The following ZMIZ1 variants were observed in gnomAD, a reference collection of about 807,000 sequenced individuals.
ZMIZ1 encodes zinc finger MIZ domain-containing protein 1.
A neutral mutation model predicts 113.9 loss-of-function variants in ZMIZ1; 17 were observed. The observed-to-expected ratio is 0.15, with a 90% CI of 0.10 to 0.22. The LOEUF (loss-of-function observed/expected upper bound fraction) is 0.22. ZMIZ1 is among the 10% of genes least tolerant of loss of function. The pLI is 1.00. For synonymous variants in ZMIZ1, 607 were observed against 603.1 expected (o/e 1.01, Z -0.09); for missense variants, 1,059 against 1,477.8 (o/e 0.72, Z 4.65).
intron 17 of ZMIZ1, 125 bp from the exon 18 acceptor site, chr10:79,301,982 C>G: frequency 1.2e-6 from 1 of 858,330 alleles, no homozygotes; most frequent in Non-Finnish European, 1.9e-6. Flanking sequence ...TCCCAGGAGA[C>G]ACCCTGGGGG....
chr10:79,254,224 A>G (rs1850734979), intron 7 of ZMIZ1, among the ~76,000 whole-genome samples: 1 of 152,186 alleles, frequency 6.6e-6, no homozygotes, highest in African/African-American at 2.4e-5. Context: ...AGGGCCCAGC[A>G]CATCTCAGGG....
chr10:79,190,634 C>G (rs1291270653), intron 4 of ZMIZ1, among the ~76,000 whole-genome samples: 1 of 152,122 alleles, frequency 6.6e-6, no homozygotes, highest in Non-Finnish European at 1.5e-5. Flanking sequence ...CTCATGGGCT[C>G]AGGAGGAGCA....
intron 7 of ZMIZ1, among the ~76,000 whole-genome samples, chr10:79,221,363 G>A (rs892600785): frequency 5.3e-5 from 8 of 152,196 alleles, no homozygotes; most frequent in Non-Finnish European, 8.8e-5. Context: ...GGCTCCACGC[G>A]GCCCTGGACG....
intron 4 of ZMIZ1, among the ~76,000 whole-genome samples, chr10:79,162,592 C>T (rs796654111): frequency 7.9e-5 from 12 of 152,330 alleles, no homozygotes; most frequent in Admixed American, 2.0e-4. Flanking sequence ...TGGGGTCAGA[C>T]CACCTGGATT....
At chr10:79,279,485 C>A (rs909572842) in intron 8 of ZMIZ1, among the ~76,000 whole-genome samples, 2 of 151,166 alleles carry the variant, frequency 1.3e-5, no homozygotes, top group East Asian at 3.9e-4. Context: ...CCAGACTGGG[C>A]GGCCGGGCAG....
intron 7 of ZMIZ1, among the ~76,000 whole-genome samples, chr10:79,255,377 C>G (rs1554823321): frequency 6.6e-6 from 1 of 152,202 alleles, no homozygotes; most frequent in South Asian, 2.1e-4. Context: ...CACCCTTCTT[C>G]GGGAATGGAT....
chr10:79,133,830 C>T (rs1047867846), intron 2 of ZMIZ1, among the ~76,000 whole-genome samples: 8 of 152,198 alleles, frequency 5.3e-5, no homozygotes, highest in African/African-American at 1.4e-4. Flanking sequence ...TCTGATTCCT[C>T]GGAGCATGCA....
At chr10:79,178,643 C>T (rs1001920719) in intron 4 of ZMIZ1, among the ~76,000 whole-genome samples, 1 of 152,184 alleles carries the variant, frequency 6.6e-6, no homozygotes, top group Non-Finnish European at 1.5e-5. Flanking sequence ...CTTCACTTTT[C>T]AAGCCCTGCT....
intron 7 of ZMIZ1, among the ~76,000 whole-genome samples, chr10:79,233,663 T>C (rs1469097729): frequency 1.3e-5 from 2 of 152,222 alleles, no homozygotes; most frequent in African/African-American, 2.4e-5. Flanking sequence ...GCCTGATTTT[T>C]TTCCCCTCCT....
At chr10:79,158,065 C>T (rs577177621) in intron 3 of ZMIZ1, among the ~76,000 whole-genome samples, 18 of 152,278 alleles carry the variant, frequency 1.2e-4, no homozygotes, top group Non-Finnish European at 2.2e-4. Context: ...TTGTGACCAC[C>T]GTTCTGATCC....
chr10:79,275,265 A>C (rs1295652291), intron 7 of ZMIZ1, among the ~76,000 whole-genome samples: 1 of 152,150 alleles, frequency 6.6e-6, no homozygotes, highest in Non-Finnish European at 1.5e-5. Context: ...GACAGAGGAG[A>C]GTGTCTCTTC....
At position 79,277,183 on chromosome 10, in the gene ZMIZ1, T is replaced by A; in HGVS notation, c.283T>A (p.Leu95Met). 6.5e-7 allele frequency: 1 copy of A among 1,542,768 alleles called. No individual in the cohort carries two copies. The highest frequency in any genetic ancestry group is 8.7e-7 in the Non-Finnish European group (1 of 1,144,794). The change falls in exon 8 of 25, where the codon TTG becomes ATG. Residue 95 changes from leucine (L) to methionine (M), a missense_variant and splice_region_variant. Physicochemically the swap from Leu to Met is conservative, Grantham distance 15 (BLOSUM62 2). Coordinates refer to ENST00000334512, the MANE Select transcript of ZMIZ1 (RefSeq NM_020338.4). ...TGACTGTCCTGTCCTTCCTGCAGCCTTGTTGTCCTCCTGGTGCGAAGAGCT... is the reference window on the plus strand; with the variant it reads ...TGACTGTCCTGTCCTTCCTGCAGCCATGTTGTCCTCCTGGTGCGAAGAGCT... The part of the protein sequence containing the change: ...RDKFTPKSAA[L>M]LSSWCEELGR...
At chr10:79,242,377 G>A (rs1849882059) in intron 7 of ZMIZ1, among the ~76,000 whole-genome samples, 1 of 152,232 alleles carries the variant, frequency 6.6e-6, no homozygotes, top group South Asian at 2.1e-4. Context: ...GGGAGCGTAC[G>A]TGCGCGTGTT....
chr10:79,211,520 C>G (rs1848527029), intron 6 of ZMIZ1, among the ~76,000 whole-genome samples: 1 of 152,220 alleles, frequency 6.6e-6, no homozygotes, highest in Admixed American at 6.5e-5. Flanking sequence ...TGGAAGCAAA[C>G]TCCAAATTCC....
chr10:79,122,445 C>G (rs993260938), intron 2 of ZMIZ1, among the ~76,000 whole-genome samples: 1 of 152,146 alleles, frequency 6.6e-6, no homozygotes, highest in Non-Finnish European at 1.5e-5. Flanking sequence ...CCAAATCCAC[C>G]TGGCTGGGCA....
rs1339024303 is a variant in ZMIZ1 at position 79,272,996 on chromosome 10, G to A, written c.281-4185G>A. Among the ~76,000 whole-genome samples the A allele has an allele frequency of 3.9e-5, 6 of 152,362 alleles. No homozygotes were observed. The East Asian group carries it at 1.2e-3, about 29-fold the overall frequency. Reference sequence around the variant, plus strand: ...ATGACAGGGGATGGGGCTTGGTGAGGAGCCTGAGAGCCCAGTTTCTGGGGT... The same window carrying A: ...ATGACAGGGGATGGGGCTTGGTGAGAAGCCTGAGAGCCCAGTTTCTGGGGT... On this transcript the variant is annotated intron_variant, in intron 7 of 24. Coordinates refer to ENST00000334512, the MANE Select transcript of ZMIZ1 (RefSeq NM_020338.4).
chr10:79,252,747 C>A (rs543384539), intron 7 of ZMIZ1, among the ~76,000 whole-genome samples: 1 of 152,238 alleles, frequency 6.6e-6, no homozygotes, highest in East Asian at 1.9e-4. Flanking sequence ...CTGCTGGGGA[C>A]CCTGGATGCA....
At chr10:79,114,661 C>G (rs930819248) in intron 1 of ZMIZ1, among the ~76,000 whole-genome samples, 2 of 152,136 alleles carry the variant, frequency 1.3e-5, no homozygotes, top group African/African-American at 2.4e-5. Context: ...GCTGTCAGCA[C>G]CCCCCTCCAC....
At chr10:79,180,237 A>C (rs1443637140) in intron 4 of ZMIZ1, among the ~76,000 whole-genome samples, 1 of 152,068 alleles carries the variant, frequency 6.6e-6, no homozygotes, top group Admixed American at 6.5e-5. Context: ...GTGCACACCC[A>C]AGCACACCCG....
Sources: gnomAD v4.1 joint callset for allele counts (sites outside exome capture counted in the v4.1 genomes callset) on GRCh38, gnomAD v4.1.1 for gene constraint, MANE v1.5 for transcripts, NCBI Gene and HGNC (gene_info 2026-07-23, HGNC 2026-07-21) for gene names.